B4GALT6: variants seen among roughly 807,000 people sequenced by gnomAD.
B4GALT6 encodes the protein beta-1,4-galactosyltransferase 6.
B4GALT6 carries 14 observed loss-of-function variants against 46.3 expected under a neutral mutation model. That is an observed-to-expected ratio of 0.30 (90% CI 0.20 to 0.47). The LOEUF (loss-of-function observed/expected upper bound fraction) is 0.47. Ranked by LOEUF, B4GALT6 falls within the 20% of genes least tolerant of loss-of-function variation. The pLI, the probability that B4GALT6 is intolerant of heterozygous loss-of-function variation, is 0.99. For synonymous variants in B4GALT6, 168 were observed against 162.0 expected (o/e 1.04, Z -0.28); for missense variants, 386 against 480.1 (o/e 0.80, Z 1.83).
the B4GALT6 span, among the ~76,000 whole-genome samples, chr18:31,701,351 G>A: frequency 5.3e-5 from 8 of 152,130 alleles, no homozygotes; most frequent in African/African-American, 1.2e-4. Flanking sequence ...TTCCATCATG[G>A]TTGTAAATCT....
the B4GALT6 span, among the ~76,000 whole-genome samples, chr18:31,718,718 C>T: frequency 6.6e-6 from 1 of 152,170 alleles, no homozygotes; most frequent in Non-Finnish European, 1.5e-5. Flanking sequence ...GAAGCCGCTA[C>T]CAGGAAGGGC....
the B4GALT6 span, among the ~76,000 whole-genome samples, chr18:31,718,261 T>C: frequency 6.6e-6 from 1 of 152,190 alleles, no homozygotes; most frequent in African/African-American, 2.4e-5. Context: ...GAGGGAGTGA[T>C]AGCAACATTT....
chr18:31,645,886 T>C lies in B4GALT6; in HGVS notation c.347-407A>G, dbSNP rs946175229. Among the ~76,000 whole-genome samples, 7 of 152,294 alleles carry C rather than the reference T, an allele frequency of 4.6e-5. No homozygotes were observed. In the East Asian group the frequency reaches 9.6e-4, roughly 21 times the overall value. On this transcript the variant is annotated intron_variant, in intron 3 of 8. Coordinates refer to ENST00000306851, the MANE Select transcript of B4GALT6 (RefSeq NM_004775.5). Reference sequence around the variant, plus strand: ...GACACAATGGCACAGTACTTAACAATGAAATAAGCAGTCAGATTGACTGGG... The same window carrying C: ...GACACAATGGCACAGTACTTAACAACGAAATAAGCAGTCAGATTGACTGGG...
At chr18:31,651,822 G>A (rs1408454915) in intron 3 of B4GALT6, among the ~76,000 whole-genome samples, 2 of 152,064 alleles carry the variant, frequency 1.3e-5, no homozygotes, top group Non-Finnish European at 2.9e-5. Context: ...CCAGGCTGAA[G>A]TGCAGTGGCG....
At chr18:31,638,850 G>T in intron 4 of B4GALT6, 90 bp from the exon 5 acceptor site, 1 of 1,088,606 alleles carries the variant, frequency 9.2e-7, no homozygotes. Context: ...AACTTCTGAT[G>T]GTTTTAAAGC....
At chr18:31,712,287 A>ATTTT in the B4GALT6 span, among the ~76,000 whole-genome samples, 263 of 84,626 alleles carry the variant, frequency 3.1e-3, 19 homozygotes, top group Middle Eastern at 7.9e-3. Context: ...CTGGGACGTT[A>ATTTT]TTTTTTTTTT....
Position 31,623,667 on chromosome 18 carries a change from A to C in B4GALT6, c.*1947T>G, listed in dbSNP as rs1275069734. 1 of 152,370 alleles carries C rather than the reference A, an allele frequency of 6.6e-6. No individual in the cohort carries two copies. The highest frequency in any genetic ancestry group is 2.4e-5 in the African/African-American group (1 of 41,456). 9.4% of individuals were successfully genotyped at this position (152,370 alleles called of 1,614,324 possible). On this transcript the variant is annotated 3_prime_UTR_variant, in exon 9 of 9. Transcript: ENST00000306851. ...AGGTTTGATTTTTCGAGTACCATAA[A>C]AAAACTGAAATATAAATATTTTGGA...
Position 31,625,749 on chromosome 18 carries a change from T to C in B4GALT6, c.1014A>G (p.Leu338=). ...EVQFLGRYKL[L]RYSKERQYID... ...TGTACTGACGCTCCTTGGAATACCT[T>C]AGTAATTTATACCTATAGTTTTAGA... The change falls in exon 9 of 9, where the codon CTA becomes CTG. Residue 338 remains leucine, a synonymous_variant. Transcript: ENST00000306851. 1.9e-6 allele frequency: 3 copies of C among 1,592,148 alleles called. No homozygotes were observed. Among genetic ancestry groups the C allele is most frequent in the Non-Finnish European group, 2.6e-6 (3 of 1,174,278 alleles).
At chr18:31,640,515 C>T (rs1293874885) in intron 4 of B4GALT6, among the ~76,000 whole-genome samples, 1 of 152,088 alleles carries the variant, frequency 6.6e-6, no homozygotes, top group African/African-American at 2.4e-5. Context: ...GATGGGATAG[C>T]AAAAACAAGA....
At chr18:31,649,340 C>T (rs752820669) in intron 3 of B4GALT6, among the ~76,000 whole-genome samples, 1 of 152,204 alleles carries the variant, frequency 6.6e-6, no homozygotes, top group Admixed American at 6.5e-5. Flanking sequence ...CACATCCCCA[C>T]TGCCAAGGGC....
chr18:31,651,520 A>G (rs11873912), intron 3 of B4GALT6, among the ~76,000 whole-genome samples: 44,708 of 151,918 alleles, frequency 0.29, 6,908 homozygotes, highest in Non-Finnish European at 0.34. Flanking sequence ...AAGCTGCTCA[A>G]TCCTTCCTGG....
upstream of B4GALT6, among the ~76,000 whole-genome samples, chr18:31,687,427 G>T (rs1227703863): frequency 3.9e-5 from 6 of 152,168 alleles, no homozygotes; most frequent in African/African-American, 1.4e-4. Context: ...TCTGAGGGAT[G>T]CCTCAGGGTC....
At chr18:31,651,214 C>T (rs777082354) in intron 3 of B4GALT6, among the ~76,000 whole-genome samples, 1 of 152,178 alleles carries the variant, frequency 6.6e-6, no homozygotes, top group Non-Finnish European at 1.5e-5. Flanking sequence ...CTACAGGTCC[C>T]ATCCTTGCAG....
chr18:31,676,742 C>T lies in B4GALT6; in HGVS notation c.115+7570G>A, dbSNP rs562968335. ...AGAAAAGTATGTAGCACTATTTTTT[C>T]CCCACCATTTGGGGTATTTTTCAGA... is the stretch of plus-strand genomic sequence containing the variant. On this transcript the variant is annotated intron_variant, in intron 1 of 8. Transcript: ENST00000306851. Among the ~76,000 whole-genome samples the T allele has an allele frequency of 6.2e-4, 94 of 152,170 alleles. 1 individual carries two copies. Among genetic ancestry groups the T allele is most frequent in the African/African-American group, 2.1e-3 (88 of 41,548 alleles).
At chr18:31,696,087 G>A in the B4GALT6 span, among the ~76,000 whole-genome samples, 1 of 152,184 alleles carries the variant, frequency 6.6e-6, no homozygotes, top group Non-Finnish European at 1.5e-5. Flanking sequence ...TGGAGAGAGA[G>A]TTAGAAGGGT....
At chr18:31,672,573 C>A (rs987600283) in intron 1 of B4GALT6, among the ~76,000 whole-genome samples, 1 of 152,144 alleles carries the variant, frequency 6.6e-6, no homozygotes, top group Non-Finnish European at 1.5e-5. Flanking sequence ...AGGTAAACCA[C>A]GTGAAATGCT....
chr18:31,677,423 G>T (rs946534736), intron 1 of B4GALT6, among the ~76,000 whole-genome samples: 2 of 152,164 alleles, frequency 1.3e-5, no homozygotes, highest in Admixed American at 6.5e-5. Context: ...GCCTAATACA[G>T]GATGTAAATG....
chr18:31,648,316 G>C (rs139078905), intron 3 of B4GALT6, among the ~76,000 whole-genome samples: 15 of 152,318 alleles, frequency 9.8e-5, no homozygotes, highest in Non-Finnish European at 1.9e-4. Context: ...TTACCCAGCA[G>C]TGTAATCACA....
Position 31,630,976 on chromosome 18 carries a change from C to T in B4GALT6, c.759G>A (p.Leu253=), listed in dbSNP as rs773191966. 2 of 1,614,124 alleles carry T rather than the reference C, an allele frequency of 1.2e-6. No individual in the cohort carries two copies. ...CTACTTACATATACATGTATTTATCCAGCTTTGCAGCAAAATGACGTGGCA... is the reference window on the plus strand; with the variant it reads ...CTACTTACATATACATGTATTTATCTAGCTTTGCAGCAAAATGACGTGGCA... The part of the protein sequence containing the change: ...GEMPRHFAAK[L]DKYMYILPYK... Residue 253 remains leucine, a synonymous_variant, in exon 6 of 9, where the codon CTG becomes CTA. Transcript: ENST00000306851.
Sources: allele counts gnomAD v4.1 joint callset (sites outside exome capture counted in the v4.1 genomes callset), GRCh38; gene constraint gnomAD v4.1.1; transcripts MANE v1.5; gene names NCBI Gene and HGNC (gene_info 2026-07-23, HGNC 2026-07-21).